The following AZIN2 variants were observed in gnomAD, a reference collection of about 807,000 sequenced individuals.
The protein encoded by AZIN2 is ODC antizyme inhibitor-2.
Under a neutral mutation model 47.8 loss-of-function variants are expected in AZIN2, and 28 were observed. The observed-to-expected ratio is 0.59, with a 90% CI of 0.43 to 0.80. The LOEUF (loss-of-function observed/expected upper bound fraction) is 0.80. AZIN2 is among the 30% of genes least tolerant of loss of function. The probability of loss-of-function intolerance (pLI) is 0.00; values close to 1 mark genes in which losing one functional copy is unlikely to be tolerated. For synonymous variants in AZIN2, 221 were observed against 239.4 expected, an observed-to-expected ratio of 0.92 and a Z score of 0.71; for missense variants, 535 against 582.5, an observed-to-expected ratio of 0.92 and a Z score of 0.84.
intron 11 of AZIN2, 23 bp from the exon 12 acceptor site, chr1:33,120,021 C>A (rs766986841): frequency 3.1e-6 from 5 of 1,612,992 alleles, no homozygotes; most frequent in Non-Finnish European, 4.2e-6. Context: ...TGGCTACTTG[C>A]AGCACCCCTC....
rs1215020071 is a variant in AZIN2, at chr1:33,113,677, A to G, written c.1030-4225A>G. Reference sequence around the variant, plus strand: ...AGACCAGCTGAGTAACCTTAGGCAAAGCAAGCTACTTAATCTCTCTGAGCC... The same window carrying G: ...AGACCAGCTGAGTAACCTTAGGCAAGGCAAGCTACTTAATCTCTCTGAGCC... On this transcript the variant is annotated intron_variant, in intron 10 of 11. Coordinates refer to ENST00000294517, the MANE Select transcript of AZIN2 (RefSeq NM_052998.4). The surrounding 1 kb of genome is among the most constrained non-coding windows in gnomAD (Gnocchi z 4.1). Among the ~76,000 whole-genome samples, 1 of 152,248 alleles carries G rather than the reference A, an allele frequency of 6.6e-6. No individual in the cohort carries two copies. Among genetic ancestry groups the G allele is most frequent in the African/African-American group, 2.4e-5 (1 of 41,464 alleles).
rs753398462 is a variant in AZIN2, at chr1:33,117,886, TC to T, written c.1030-13del. On this transcript the variant is annotated splice_polypyrimidine_tract_variant and intron_variant, in intron 10 of 11. Coordinates refer to ENST00000294517, the MANE Select transcript of AZIN2 (RefSeq NM_052998.4). Reference sequence around the variant, plus strand: ...ATGCCCAGGAGAGCTGGCATGGCCATCCCTTCTTCCTACAGAAACCATCCAC... The same window carrying T: ...ATGCCCAGGAGAGCTGGCATGGCCATCCTTCTTCCTACAGAAACCATCCAC... 1.2e-6 allele frequency: 2 copies of T among 1,614,106 alleles called. No homozygotes were observed. Among genetic ancestry groups the T allele is most frequent in the South Asian group, 2.2e-5 (2 of 91,078 alleles).
At chr1:33,166,031 C>T in the AZIN2 span, 1 of 152,654 alleles carries the variant, frequency 6.6e-6, no homozygotes, top group Non-Finnish European at 1.5e-5. Context: ...GCATTACCAC[C>T]TGACTCCACC....
At chr1:33,101,536 T>G (rs1416310392) in intron 10 of AZIN2, among the ~76,000 whole-genome samples, 2 of 151,856 alleles carry the variant, frequency 1.3e-5, no homozygotes, top group Non-Finnish European at 2.9e-5. Context: ...ATTTAGAGGT[T>G]TGAATAGCAT....
chr1:33,147,125 G>A, the AZIN2 span: 2 of 1,579,512 alleles, frequency 1.3e-6, no homozygotes, highest in Middle Eastern at 1.7e-4. This position sits in a 1 kb window ranked among gnomAD's most constrained non-coding sequence, Gnocchi z 8.1. Context: ...CCTGGGCAGG[G>A]CTCTTGCAGG....
intron 7 of AZIN2, 141 bp from the exon 8 acceptor site, chr1:33,094,407 G>A: frequency 5.6e-6 from 5 of 890,798 alleles, no homozygotes; most frequent in Non-Finnish European, 8.6e-6. Flanking sequence ...GCAACCCATT[G>A]AACATTTCAG....
intron 9 of AZIN2, 40 bp from the exon 10 acceptor site, chr1:33,098,027 A>G (rs1167705884): frequency 2.7e-6 from 4 of 1,496,026 alleles, no homozygotes; most frequent in African/African-American, 2.8e-5. Context: ...ACCCCCTCAC[A>G]TTGCTACTTG....
intron 10 of AZIN2, 131 bp from the exon 11 acceptor site, chr1:33,117,771 A>G (rs1330550517): frequency 1.0e-6 from 1 of 1,002,942 alleles, no homozygotes; most frequent in African/African-American, 1.6e-5. Context: ...AGGGCCTTAA[A>G]TGCTAAGCTA....
chr1:33,126,530 C>T (rs984716418), downstream of AZIN2, among the ~76,000 whole-genome samples: 7 of 152,066 alleles, frequency 4.6e-5, no homozygotes, highest in South Asian at 1.0e-3. Context: ...GGTGGTGGTG[C>T]GGTACCCCTG....
chr1:33,141,764 T>G, the AZIN2 span: 1 of 167,820 alleles, frequency 6.0e-6, no homozygotes, highest in Non-Finnish European at 1.3e-5. Flanking sequence ...GGTTGATAGG[T>G]GCAGCAAACC....
At chr1:33,133,952 T>C in the AZIN2 span, among the ~76,000 whole-genome samples, 2 of 152,228 alleles carry the variant, frequency 1.3e-5, no homozygotes, top group African/African-American at 4.8e-5. Flanking sequence ...CTTATCTTAC[T>C]CAACCTGGCG....
chr1:33,147,502 G>A, the AZIN2 span: 1 of 1,613,264 alleles, frequency 6.2e-7, no homozygotes, highest in Non-Finnish European at 8.5e-7. This position sits in a 1 kb window ranked among gnomAD's most constrained non-coding sequence, Gnocchi z 8.1. Context: ...GGCTTCGTGT[G>A]CCAGCCCGAT....
chr1:33,141,080 GTC>G, the AZIN2 span, among the ~76,000 whole-genome samples: 1 of 152,076 alleles, frequency 6.6e-6, no homozygotes, highest in African/African-American at 2.4e-5. Flanking sequence ...GAGATCAGGG[GTC>G]TCTCATCAGC....
Position 33,118,129 on chromosome 1 carries a change from T to A in AZIN2, c.1244+13T>A, listed in dbSNP as rs1290433941. 1 of 1,505,066 alleles carries A rather than the reference T, an allele frequency of 6.6e-7. No individual in the cohort carries two copies. The highest frequency in any genetic ancestry group is 8.9e-7 in the Non-Finnish European group (1 of 1,129,718). 93.2% of individuals were successfully genotyped at this position (1,505,066 alleles called of 1,614,324 possible). ...CCCGGGTGGCCTGGTAAGAGGGCCC[T>A]GCTGGAAAATGGGGGTATGGGGAGG... is the stretch of plus-strand genomic sequence containing the variant. On this transcript the variant is annotated intron_variant, in intron 11 of 11. Coordinates refer to ENST00000294517, the MANE Select transcript of AZIN2 (RefSeq NM_052998.4).
At chr1:33,150,790 G>C in the AZIN2 span, among the ~76,000 whole-genome samples, 1 of 152,146 alleles carries the variant, frequency 6.6e-6, no homozygotes, top group Non-Finnish European at 1.5e-5. Context: ...GCTAGATTGA[G>C]AAGAGGAACC....
the AZIN2 span, among the ~76,000 whole-genome samples, chr1:33,136,442 C>T: frequency 9.8e-4 from 149 of 151,846 alleles, no homozygotes; most frequent in African/African-American, 3.0e-3. Context: ...AATCTTGGCT[C>T]ACTGCAATCT....
rs1030025926 is a variant in AZIN2 at position 33,121,292 on chromosome 1, A to T, written c.*1110A>T. Among the ~76,000 whole-genome samples, 1 of 152,236 alleles carries T rather than the reference A, an allele frequency of 6.6e-6. No individual in the cohort carries two copies. The highest frequency in any genetic ancestry group is 2.4e-5 in the African/African-American group (1 of 41,466). ...CTTTTAAATGCAGAAGCCTGGGTGC[A>T]GTGGCTCACACCTGTAATCCCAGCA... On this transcript the variant is annotated 3_prime_UTR_variant, in exon 12 of 12. Coordinates refer to ENST00000294517, the MANE Select transcript of AZIN2 (RefSeq NM_052998.4).
chr1:33,108,060 C>A (rs1410168607), intron 10 of AZIN2, among the ~76,000 whole-genome samples: 1 of 152,174 alleles, frequency 6.6e-6, no homozygotes, highest in African/African-American at 2.4e-5. Context: ...ATCACATTAT[C>A]TGATTTCAAA....
At position 33,105,324 on chromosome 1, in the gene AZIN2, T is replaced by A. The variant is rs568164928; in HGVS notation, c.1029+7145T>A. 2.0e-5 allele frequency among the ~76,000 whole-genome samples: 3 copies of A among 152,302 alleles called. No individual in the cohort carries two copies. The South Asian group carries it at 6.2e-4, about 32-fold the overall frequency. On this transcript the variant is annotated intron_variant, in intron 10 of 11. Transcript: ENST00000294517. ...AATACTGACGTGTTAGGTGGACTTTTAAATATAGAAACATTTTAAATGTTC... is the reference window on the plus strand; with the variant it reads ...AATACTGACGTGTTAGGTGGACTTTAAAATATAGAAACATTTTAAATGTTC...
Sources: allele counts gnomAD v4.1 joint callset (sites outside exome capture counted in the v4.1 genomes callset), GRCh38; gene constraint gnomAD v4.1.1; non-coding constraint Gnocchi (gnomAD v3.1); transcripts MANE v1.5; gene names NCBI Gene and HGNC (gene_info 2026-07-23, HGNC 2026-07-21).